The following BCKDHB variants were observed in gnomAD, a reference collection of about 807,000 sequenced individuals.
The protein encoded by BCKDHB is 2-oxoisovalerate dehydrogenase subunit beta, mitochondrial.
In BCKDHB, 41 loss-of-function variants were observed where a neutral mutation model predicts 48.5. The observed-to-expected ratio is 0.85, with a 90% CI of 0.66 to 1.10. The LOEUF (loss-of-function observed/expected upper bound fraction) is 1.10. BCKDHB is among the 50% of genes least tolerant of loss of function. BCKDHB has a pLI of 0.00. For missense variants in BCKDHB, 496 were observed against 494.2 expected (o/e 1.00, Z -0.03); for synonymous variants, 201 against 174.8 (o/e 1.15, Z -1.18).
At chr6:80,431,035 G>A in the BCKDHB span, among the ~76,000 whole-genome samples, 1 of 152,138 alleles carries the variant, frequency 6.6e-6, no homozygotes, top group African/African-American at 2.4e-5. Flanking sequence ...GTTCTCATTA[G>A]TTTCAAATAA....
At chr6:80,310,889 A>C (rs1378317690) in intron 9 of BCKDHB, among the ~76,000 whole-genome samples, 1 of 60,626 alleles carries the variant, frequency 1.6e-5, no homozygotes, top group African/African-American at 3.4e-5. Flanking sequence ...GGCCACATGT[A>C]TGTCTTCTTT....
intron 9 of BCKDHB, among the ~76,000 whole-genome samples, chr6:80,316,889 C>G (rs966935566): frequency 1.3e-5 from 2 of 152,168 alleles, no homozygotes; most frequent in African/African-American, 4.8e-5. Flanking sequence ...TGATTGTTTT[C>G]AAATGTGCTT....
intron 8 of BCKDHB, among the ~76,000 whole-genome samples, chr6:80,258,499 G>A (rs1777152791): frequency 6.6e-6 from 1 of 152,250 alleles, no homozygotes; most frequent in Non-Finnish European, 1.5e-5. Flanking sequence ...TGAATAAAAT[G>A]TTCTAAAGCA....
intron 9 of BCKDHB, among the ~76,000 whole-genome samples, chr6:80,319,364 T>C (rs1480515339): frequency 6.6e-6 from 1 of 152,238 alleles, no homozygotes; most frequent in Non-Finnish European, 1.5e-5. Context: ...GAATGAATTA[T>C]TAAAGTTAAG....
At chr6:80,421,678 G>A in the BCKDHB span, among the ~76,000 whole-genome samples, 3 of 152,318 alleles carry the variant, frequency 2.0e-5, no homozygotes, top group South Asian at 6.2e-4. Flanking sequence ...TTAGCAAAGA[G>A]ACTGGTGGCA....
chr6:80,435,617 C>A, the BCKDHB span, among the ~76,000 whole-genome samples: 3 of 152,132 alleles, frequency 2.0e-5, no homozygotes, highest in Non-Finnish European at 4.4e-5. Context: ...AAACTTGCAG[C>A]CTCTTCCATT....
chr6:80,220,304 G>GTTTTT (rs56967096), intron 8 of BCKDHB, among the ~76,000 whole-genome samples: 7 of 60,862 alleles, frequency 1.2e-4, no homozygotes, highest in East Asian at 5.8e-4. Flanking sequence ...CATGCTATTT[G>GTTTTT]TTTTTTTTTT....
chr6:80,167,855 T>G, intron 4 of BCKDHB, 44 bp downstream of exon 4: 1 of 1,595,000 alleles, frequency 6.3e-7, no homozygotes, highest in African/African-American at 1.3e-5. Flanking sequence ...CATTGAAATA[T>G]TCAAGTATTG....
chr6:80,241,041 C>T (rs749785412), intron 8 of BCKDHB, among the ~76,000 whole-genome samples: 5 of 152,064 alleles, frequency 3.3e-5, no homozygotes, highest in Admixed American at 6.6e-5. Flanking sequence ...TTGATCGAAT[C>T]GGCCACTGAA....
intron 8 of BCKDHB, among the ~76,000 whole-genome samples, chr6:80,222,400 C>T (rs909250894): frequency 2.0e-5 from 3 of 152,128 alleles, no homozygotes; most frequent in African/African-American, 7.2e-5. Context: ...AGTGAAACAA[C>T]GATTACTAGA....
chr6:80,216,759 G>A (rs1162418738), intron 8 of BCKDHB, among the ~76,000 whole-genome samples: 2 of 152,046 alleles, frequency 1.3e-5, no homozygotes, highest in Admixed American at 6.6e-5. Context: ...TTCTTTGATG[G>A]CGTTTAACTC....
chr6:80,285,905 A>G (rs1766603964), intron 9 of BCKDHB, among the ~76,000 whole-genome samples: 1 of 152,118 alleles, frequency 6.6e-6, no homozygotes, highest in African/African-American at 2.4e-5. Flanking sequence ...AAGCATTTGT[A>G]AAGTGGATCT....
At chr6:80,113,382 A>G (rs971289037) in intron 1 of BCKDHB, among the ~76,000 whole-genome samples, 1 of 152,216 alleles carries the variant, frequency 6.6e-6, no homozygotes, top group African/African-American at 2.4e-5. Flanking sequence ...CTGAAAAAGA[A>G]AAAAAGGAAA....
intron 6 of BCKDHB, among the ~76,000 whole-genome samples, chr6:80,180,320 T>C (rs1323637273): frequency 6.6e-6 from 1 of 152,178 alleles, no homozygotes; most frequent in Non-Finnish European, 1.5e-5. Context: ...AATGAATCTT[T>C]TTAGAAATGG....
At chr6:80,276,541 G>C (rs186597850) in intron 9 of BCKDHB, among the ~76,000 whole-genome samples, 2 of 151,702 alleles carry the variant, frequency 1.3e-5, no homozygotes, top group Non-Finnish European at 3.0e-5. Flanking sequence ...GCTTATTTTA[G>C]TATACAGATC....
At chr6:80,155,391 A>G (rs990614662) in intron 3 of BCKDHB, among the ~76,000 whole-genome samples, 1 of 152,128 alleles carries the variant, frequency 6.6e-6, no homozygotes, top group Non-Finnish European at 1.5e-5. Context: ...GCAAGAGACA[A>G]TGTAGGAAAT....
intron 2 of BCKDHB, 112 bp downstream of exon 2, chr6:80,127,736 T>TGGGGCTAAATAA: frequency 1.0e-6 from 1 of 995,616 alleles, no homozygotes; most frequent in Non-Finnish European, 1.6e-6. Context: ...ACCTGACATT[T>TGGGGCTAAATAA]TCAAAGGTAT....
intron 8 of BCKDHB, among the ~76,000 whole-genome samples, chr6:80,215,359 T>G (rs1191585711): frequency 3.3e-5 from 5 of 152,218 alleles, no homozygotes; most frequent in Non-Finnish European, 7.3e-5. Flanking sequence ...GTTGTACTAA[T>G]TGGAACAAGT....
chr6:80,234,821 A>G (rs901964861), intron 8 of BCKDHB, among the ~76,000 whole-genome samples: 2 of 118,820 alleles, frequency 1.7e-5, no homozygotes, highest in African/African-American at 6.2e-5. Flanking sequence ...ATGAATGAAG[A>G]CAATGTTTTA....
Sources: allele counts gnomAD v4.1 joint callset (sites outside exome capture counted in the v4.1 genomes callset), GRCh38; gene constraint gnomAD v4.1.1; transcripts MANE v1.5; gene names NCBI Gene and HGNC (gene_info 2026-07-23, HGNC 2026-07-21).